Variants in SH3GL3 observed in about 807,000 individuals in gnomAD.
The protein encoded by SH3GL3 is SH3 domain containing GRB2 like 3, endophilin A3.
Under a neutral mutation model 47.7 loss-of-function variants are expected in SH3GL3, and 33 were observed. The observed-to-expected ratio is 0.69, with a 90% CI of 0.52 to 0.92. The LOEUF is 0.92. SH3GL3 is among the 40% of genes least tolerant of loss of function. The pLI, the probability that SH3GL3 is intolerant of heterozygous loss-of-function variation, is 0.00. For synonymous variants in SH3GL3, 155 were observed against 148.8 expected (o/e 1.04, Z -0.30); for missense variants, 363 against 417.8 (o/e 0.87, Z 1.14).
chr15:83,470,909 TC>T (rs2040803459), intron 1 of SH3GL3, among the ~76,000 whole-genome samples: 1 of 152,130 alleles, frequency 6.6e-6, no homozygotes, highest in South Asian at 2.1e-4. Context: ...AAAACTAACC[TC>T]CCTTTGTCTT....
intron 2 of SH3GL3, among the ~76,000 whole-genome samples, chr15:83,562,934 C>T (rs1382885598): frequency 6.6e-6 from 1 of 152,166 alleles, no homozygotes; most frequent in African/African-American, 2.4e-5. Context: ...CACTCACATG[C>T]CCACTTGCAC....
At chr15:83,524,309 T>G (rs1374668466) in intron 1 of SH3GL3, among the ~76,000 whole-genome samples, 2 of 152,202 alleles carry the variant, frequency 1.3e-5, no homozygotes, top group East Asian at 1.9e-4. Context: ...AGGATGCATC[T>G]TCTCATTTTC....
At chr15:83,556,789 A>C (rs2044982623) in intron 1 of SH3GL3, among the ~76,000 whole-genome samples, 1 of 152,138 alleles carries the variant, frequency 6.6e-6, no homozygotes, top group African/African-American at 2.4e-5. Context: ...GGCTGGGAGC[A>C]CTGGGTGGGT....
At chr15:83,468,044 A>G (rs2040654690) in intron 1 of SH3GL3, among the ~76,000 whole-genome samples, 1 of 152,206 alleles carries the variant, frequency 6.6e-6, no homozygotes, top group East Asian at 1.9e-4. Flanking sequence ...GTTAGCCAGG[A>G]TGGTCTCGAT....
At chr15:83,529,849 C>T (rs2043591387) in intron 1 of SH3GL3, among the ~76,000 whole-genome samples, 1 of 152,132 alleles carries the variant, frequency 6.6e-6, no homozygotes, top group Admixed American at 6.5e-5. Context: ...GGAGCCTGTC[C>T]TCAGAGTGCA....
chr15:83,458,354 C>T (rs938557726), intron 1 of SH3GL3, among the ~76,000 whole-genome samples: 7 of 152,208 alleles, frequency 4.6e-5, no homozygotes, highest in African/African-American at 1.7e-4. Flanking sequence ...GTTTTTACCA[C>T]ACACAGCACC....
intron 7 of SH3GL3, 87 bp from the exon 8 acceptor site, chr15:83,588,575 T>C (rs923837860): frequency 1.2e-6 from 1 of 828,908 alleles, no homozygotes; most frequent in Non-Finnish European, 2.1e-6. Context: ...GTAACCTAAG[T>C]TCCTGTGCTC....
chr15:83,609,758 C>T (rs527350066), intron 8 of SH3GL3, among the ~76,000 whole-genome samples: 1 of 152,214 alleles, frequency 6.6e-6, no homozygotes, highest in African/African-American at 2.4e-5. Flanking sequence ...GAAGGATGCC[C>T]CTTGCGCCAC....
rs748452050 is a variant in SH3GL3 at position 83,490,928 on chromosome 15, G to A, written c.45+43350G>A. On this transcript the variant is annotated intron_variant, in intron 1 of 8. Coordinates refer to ENST00000427482, the MANE Select transcript of SH3GL3 (RefSeq NM_003027.5). Reference sequence around the variant, plus strand: ...GTAATAAATGGGAAAATGTTAAGGGGGAGTGGTTGGGGAAGAACAGTAAAC... The same window carrying A: ...GTAATAAATGGGAAAATGTTAAGGGAGAGTGGTTGGGGAAGAACAGTAAAC... The A allele has an allele frequency of 6.2e-6, 10 of 1,613,764 alleles. No homozygotes were observed. In the Admixed American group the frequency reaches 1.0e-4, roughly 16 times the overall value.
intron 6 of SH3GL3, among the ~76,000 whole-genome samples, chr15:83,585,716 T>G (rs911122289): frequency 2.6e-5 from 4 of 152,186 alleles, no homozygotes; most frequent in African/African-American, 9.7e-5. Context: ...AGGCTAGGCT[T>G]GTTGCTTTTC....
At chr15:83,470,860 T>A (rs2040801176) in intron 1 of SH3GL3, among the ~76,000 whole-genome samples, 1 of 152,170 alleles carries the variant, frequency 6.6e-6, no homozygotes, top group Admixed American at 6.5e-5. Context: ...TATCAAAGTC[T>A]ACTGATGTCA....
chr15:83,601,962 A>C (rs1172517046), intron 8 of SH3GL3, among the ~76,000 whole-genome samples: 2 of 151,666 alleles, frequency 1.3e-5, no homozygotes, highest in East Asian at 3.9e-4. Context: ...AAAAAAAAAA[A>C]CAAAACATAA....
At chr15:83,602,330 G>A (rs1011052978) in intron 8 of SH3GL3, among the ~76,000 whole-genome samples, 2 of 152,192 alleles carry the variant, frequency 1.3e-5, no homozygotes, top group Admixed American at 6.5e-5. Context: ...TTGGGCTGCT[G>A]TAACAAAATA....
intron 1 of SH3GL3, among the ~76,000 whole-genome samples, chr15:83,512,129 A>T (rs2042784293): frequency 6.6e-6 from 1 of 152,020 alleles, no homozygotes; most frequent in Admixed American, 6.6e-5. Context: ...CCTGCTATTT[A>T]AGGAGACTTG....
chr15:83,590,207 G>A (rs2060058988), intron 8 of SH3GL3, among the ~76,000 whole-genome samples: 1 of 151,966 alleles, frequency 6.6e-6, no homozygotes, highest in African/African-American at 2.4e-5. Flanking sequence ...TTTAAACTTT[G>A]TTTTTGGAGT....
intron 1 of SH3GL3, among the ~76,000 whole-genome samples, chr15:83,538,247 A>G (rs924748178): frequency 3.9e-5 from 6 of 152,240 alleles, no homozygotes; most frequent in Admixed American, 1.3e-4. Context: ...GATAGGGACG[A>G]AGTGGTCCAG....
intron 8 of SH3GL3, among the ~76,000 whole-genome samples, chr15:83,591,690 A>G (rs762638657): frequency 1.3e-4 from 19 of 151,614 alleles, no homozygotes; most frequent in Non-Finnish European, 2.1e-4. Flanking sequence ...TATTTTATTT[A>G]TTTTTATTTT....
the SH3GL3 span, among the ~76,000 whole-genome samples, chr15:83,631,314 G>A: frequency 6.6e-6 from 1 of 152,146 alleles, no homozygotes; most frequent in Admixed American, 6.5e-5. Context: ...AGCTGTCAGT[G>A]GATTCTGGAG....
chr15:83,594,390 T>G (rs1425751635), intron 8 of SH3GL3, among the ~76,000 whole-genome samples: 1 of 152,254 alleles, frequency 6.6e-6, no homozygotes, highest in East Asian at 1.9e-4. Context: ...ACAGAAAAGT[T>G]GTGACGATAG....
Sources: gnomAD v4.1 joint callset for allele counts (sites outside exome capture counted in the v4.1 genomes callset) on GRCh38, gnomAD v4.1.1 for gene constraint, MANE v1.5 for transcripts, NCBI Gene and HGNC (gene_info 2026-07-23, HGNC 2026-07-21) for gene names.